The following EPB41L4A variants were observed in gnomAD, a reference collection of about 807,000 sequenced individuals.
EPB41L4A encodes the protein band 4.1-like protein 4A.
A neutral mutation model predicts 108.6 loss-of-function variants in EPB41L4A; 100 were observed. That is an observed-to-expected ratio of 0.92 (90% CI 0.78 to 1.09). The LOEUF (loss-of-function observed/expected upper bound fraction) is 1.09, where lower values mean the gene tolerates loss of function less well. EPB41L4A is among the 50% of genes least tolerant of loss of function. The pLI is 0.00. For missense variants in EPB41L4A, 1,030 were observed against 842.7 expected, an observed-to-expected ratio of 1.22 and a Z score of -2.75; for synonymous variants, 319 against 289.0, an observed-to-expected ratio of 1.10 and a Z score of -1.05.
intron 11 of EPB41L4A, 128 bp from the exon 12 acceptor site, chr5:112,234,883 T>G: frequency 1.0e-6 from 1 of 967,736 alleles, no homozygotes; most frequent in Non-Finnish European, 1.5e-6. Flanking sequence ...GGTTTTTAAT[T>G]GATTCTCATT....
intron 9 of EPB41L4A, among the ~76,000 whole-genome samples, chr5:112,254,193 T>TA (rs1403363841): frequency 6.6e-6 from 1 of 152,252 alleles, no homozygotes. Context: ...TTTCTGGGCT[T>TA]AGTCCTGTGT....
chr5:112,271,661 A>G (rs1240736760), intron 4 of EPB41L4A, among the ~76,000 whole-genome samples: 4 of 152,236 alleles, frequency 2.6e-5, no homozygotes, highest in Non-Finnish European at 1.5e-5. Flanking sequence ...CACACAATAC[A>G]GGGAAGGATG....
At chr5:112,341,133 T>C (rs1168810995) in intron 1 of EPB41L4A, among the ~76,000 whole-genome samples, 1 of 152,226 alleles carries the variant, frequency 6.6e-6, no homozygotes, top group Admixed American at 6.5e-5. Flanking sequence ...CACTGTTTAA[T>C]TGGTCTCCTT....
At chr5:112,308,068 T>C (rs1293226912) in intron 1 of EPB41L4A, among the ~76,000 whole-genome samples, 1 of 152,170 alleles carries the variant, frequency 6.6e-6, no homozygotes, top group Non-Finnish European at 1.5e-5. Context: ...AAAACTTTTC[T>C]TTTGGCTGCT....
At chr5:112,186,598 G>A (rs138813520) in intron 17 of EPB41L4A, among the ~76,000 whole-genome samples, 2 of 152,194 alleles carry the variant, frequency 1.3e-5, no homozygotes, top group African/African-American at 2.4e-5. Flanking sequence ...CTCTACTGGC[G>A]ATGCTGTTTC....
chr5:112,253,267 G>A (rs984008635), intron 9 of EPB41L4A, among the ~76,000 whole-genome samples: 3 of 152,158 alleles, frequency 2.0e-5, no homozygotes, highest in African/African-American at 7.2e-5. Context: ...AGACACCTGA[G>A]AGGGACACTA....
At chr5:112,146,103 G>C in intron 12 of EPB41L4A, 1 of 381,586 alleles carries the variant, frequency 2.6e-6, no homozygotes, top group South Asian at 2.0e-5. Context: ...CATCTGATAG[G>C]GTCTTACAGA....
chr5:112,323,516 A>G (rs1056355551), intron 1 of EPB41L4A, among the ~76,000 whole-genome samples: 1 of 152,194 alleles, frequency 6.6e-6, no homozygotes, highest in Non-Finnish European at 1.5e-5. Flanking sequence ...CTTTCCAAAA[A>G]CTTATTTATG....
intron 1 of EPB41L4A, among the ~76,000 whole-genome samples, chr5:112,333,103 T>C (rs567480151): frequency 1.5e-4 from 23 of 152,222 alleles, no homozygotes; most frequent in Non-Finnish European, 2.5e-4. Context: ...TGCTGCTCAA[T>C]AGCTCCCTTA....
At chr5:112,196,093 C>T (rs1653144153) in intron 15 of EPB41L4A, among the ~76,000 whole-genome samples, 1 of 152,144 alleles carries the variant, frequency 6.6e-6, no homozygotes, top group Admixed American at 6.6e-5. Context: ...TCATAATCTC[C>T]TCCACTTCAA....
chr5:112,261,886 T>C (rs911544377), intron 7 of EPB41L4A, among the ~76,000 whole-genome samples: 3 of 20,664 alleles, frequency 1.5e-4, no homozygotes, highest in Non-Finnish European at 3.6e-4. Flanking sequence ...TACACACCAA[T>C]TTTTTTTTTT....
intron 1 of EPB41L4A, among the ~76,000 whole-genome samples, chr5:112,324,954 G>C (rs530636312): frequency 1.3e-5 from 2 of 152,234 alleles, no homozygotes; most frequent in South Asian, 4.1e-4. Context: ...TAATGAAACA[G>C]TAGCTATCAT....
intron 18 of EPB41L4A, among the ~76,000 whole-genome samples, chr5:112,178,188 G>A (rs143024154): frequency 2.3e-4 from 35 of 152,226 alleles, no homozygotes; most frequent in African/African-American, 7.9e-4. Context: ...GAATTTATGC[G>A]TGTGCATGTG....
exon 14 of EPB41L4A, chr5:112,143,059 C>CA (rs1339574312): frequency 6.6e-6 from 1 of 152,132 alleles, no homozygotes; most frequent in Non-Finnish European, 1.5e-5. Context: ...CCCAGGTGAC[C>CA]AAACTCTACA....
In EPB41L4A at chr5:112,170,358, A is replaced by G; in HGVS notation, c.1682T>C (p.Val561Ala). The change falls in exon 20 of 23, where the codon GTG (valine) becomes GCG (alanine). Residue 561 changes from valine (V) to alanine (A), a missense_variant. By Grantham distance (64) the Val-to-Ala change is moderately conservative (BLOSUM62 0). Coordinates refer to ENST00000261486, the MANE Select transcript of EPB41L4A (RefSeq NM_022140.5). ...ELWKHIQKEL[V>A]DPSGLSEEQL... ...TTCTTCGGACAATCCGGATGGATCC[A>G]CAAGTTCTTTTCTGTAAAGGAATAT... is the stretch of plus-strand genomic sequence containing the variant. 6.2e-7 allele frequency: 1 copy of G among 1,610,222 alleles called. No homozygotes were observed. Among genetic ancestry groups the G allele is most frequent in the Non-Finnish European group, 8.5e-7 (1 of 1,176,736 alleles).
intron 1 of EPB41L4A, among the ~76,000 whole-genome samples, chr5:112,368,169 C>A (rs1244508397): frequency 6.6e-6 from 1 of 152,190 alleles, no homozygotes; most frequent in Non-Finnish European, 1.5e-5. Context: ...AACTTATTAT[C>A]TTTAAAGATA....
At chr5:112,152,167 T>C (rs527746553) in intron 12 of EPB41L4A, among the ~76,000 whole-genome samples, 1 of 142,662 alleles carries the variant, frequency 7.0e-6, no homozygotes, top group Non-Finnish European at 1.6e-5. Flanking sequence ...ACAAATCCAA[T>C]ACAAGACCAA....
At chr5:112,232,723 A>G (rs1386937170) in intron 12 of EPB41L4A, among the ~76,000 whole-genome samples, 1 of 151,992 alleles carries the variant, frequency 6.6e-6, no homozygotes, top group Non-Finnish European at 1.5e-5. Flanking sequence ...TAAAAATTTC[A>G]TTTACTTCCT....
At chr5:112,175,371 C>T (rs1760808788) in intron 18 of EPB41L4A, 1 of 152,106 alleles carries the variant, frequency 6.6e-6, no homozygotes, top group Non-Finnish European at 1.5e-5. Flanking sequence ...ACTGTACTTC[C>T]CAATGTTTTA....
Sources: gnomAD v4.1 joint callset for allele counts (sites outside exome capture counted in the v4.1 genomes callset) on GRCh38, gnomAD v4.1.1 for gene constraint, MANE v1.5 for transcripts, NCBI Gene and HGNC (gene_info 2026-07-23, HGNC 2026-07-21) for gene names.